Variants in WDPCP observed in about 807,000 individuals in gnomAD.
WDPCP encodes WD repeat-containing and planar cell polarity effector protein fritz homolog.
A neutral mutation model predicts 93.1 loss-of-function variants in WDPCP; 71 were observed. That is an observed-to-expected ratio of 0.76 (90% CI 0.63 to 0.93). The LOEUF (loss-of-function observed/expected upper bound fraction) is 0.93, where lower values mean the gene tolerates loss of function less well. WDPCP is among the 40% of genes least tolerant of loss of function. WDPCP has a pLI of 0.00. For missense variants in WDPCP, 844 were observed against 887.4 expected, an observed-to-expected ratio of 0.95 and a Z score of 0.62; for synonymous variants, 315 against 315.0, an observed-to-expected ratio of 1.00 and a Z score of 0.00.
At chr2:63,810,638 C>A (rs1670850691) in intron 2 of WDPCP, among the ~76,000 whole-genome samples, 1 of 152,150 alleles carries the variant, frequency 6.6e-6, no homozygotes, top group African/African-American at 2.4e-5. Context: ...AGAAACCAGG[C>A]AAGTACCAAA....
chr2:63,219,517 G>A (rs1677637968), intron 14 of WDPCP, among the ~76,000 whole-genome samples: 1 of 152,166 alleles, frequency 6.6e-6, no homozygotes, highest in Non-Finnish European at 1.5e-5. Flanking sequence ...CCATTTAAAA[G>A]AGTAGTCTTG....
intron 3 of WDPCP, among the ~76,000 whole-genome samples, chr2:63,642,227 T>A (rs1002176815): frequency 3.9e-5 from 6 of 152,140 alleles, no homozygotes; most frequent in Admixed American, 2.0e-4. Context: ...TGATGTGGTA[T>A]AATTTGAAGT....
intron 14 of WDPCP, among the ~76,000 whole-genome samples, chr2:63,175,584 A>G (rs908043379): frequency 3.9e-5 from 6 of 152,208 alleles, no homozygotes; most frequent in Non-Finnish European, 8.8e-5. Context: ...CCCATTGTAC[A>G]ATTCCCCATT....
chr2:63,440,503 C>T (rs542325032), intron 6 of WDPCP: 1 of 152,244 alleles, frequency 6.6e-6, no homozygotes, highest in East Asian at 1.9e-4. Flanking sequence ...AGTAGAGCAT[C>T]CAGGCTTTAT....
intron 14 of WDPCP, among the ~76,000 whole-genome samples, chr2:63,256,926 T>C (rs1284129892): frequency 6.6e-6 from 1 of 152,170 alleles, no homozygotes; most frequent in African/African-American, 2.4e-5. Flanking sequence ...TTATAGCATC[T>C]TGAAGTGGGT....
At chr2:63,194,401 T>A (rs971074976) in intron 14 of WDPCP, among the ~76,000 whole-genome samples, 2 of 152,180 alleles carry the variant, frequency 1.3e-5, no homozygotes, top group African/African-American at 4.8e-5. Flanking sequence ...ATACTGTTGG[T>A]CTTAGTTACT....
chr2:63,388,245 T>C (rs2104977689), intron 10 of WDPCP, among the ~76,000 whole-genome samples: 1 of 152,226 alleles, frequency 6.6e-6, no homozygotes, highest in South Asian at 2.1e-4. Context: ...CGACTGGTGA[T>C]ACCCAAGCAA....
chr2:63,548,909 T>C (rs17027970), intron 1 of WDPCP, among the ~76,000 whole-genome samples: 2,501 of 152,198 alleles, frequency 0.016, 78 homozygotes, highest in African/African-American at 0.057. Context: ...GAAAGAAACA[T>C]ACCGGCAGAA....
intron 17 of WDPCP, among the ~76,000 whole-genome samples, chr2:63,133,986 G>A (rs1476370151): frequency 2.0e-5 from 3 of 152,156 alleles, no homozygotes; most frequent in Non-Finnish European, 4.4e-5. Flanking sequence ...TCACTGTATA[G>A]TTGTTTCTTT....
At chr2:63,192,738 C>A (rs536226419) in intron 14 of WDPCP, among the ~76,000 whole-genome samples, 22 of 152,334 alleles carry the variant, frequency 1.4e-4, no homozygotes, top group African/African-American at 5.1e-4. Flanking sequence ...CATTTGTCTT[C>A]TGAAATAAAT....
chr2:63,796,376 T>TA (rs1670617937), intron 2 of WDPCP, among the ~76,000 whole-genome samples: 1 of 152,182 alleles, frequency 6.6e-6, no homozygotes, highest in Admixed American at 6.6e-5. Flanking sequence ...ACTATCCACT[T>TA]AAAAAGGCAT....
intron 1 of WDPCP, chr2:63,519,184 C>T (rs1161099465): frequency 6.6e-6 from 1 of 152,312 alleles, no homozygotes; most frequent in Non-Finnish European, 1.5e-5. Flanking sequence ...CTCTTTTCCA[C>T]TAGCGCCCCG....
At chr2:63,292,355 C>T (rs966819614) in intron 13 of WDPCP, among the ~76,000 whole-genome samples, 6 of 87,668 alleles carry the variant, frequency 6.8e-5, no homozygotes, top group Non-Finnish European at 1.3e-4. Flanking sequence ...GATTTTCTAT[C>T]CTAACAGTTT....
intron 3 of WDPCP, among the ~76,000 whole-genome samples, chr2:63,636,247 G>T (rs769837754): frequency 2.6e-5 from 4 of 152,144 alleles, no homozygotes; most frequent in Non-Finnish European, 4.4e-5. Flanking sequence ...TTCATGGATT[G>T]GAAGAATATT....
At chr2:63,702,819 G>C (rs538355248) in intron 2 of WDPCP, among the ~76,000 whole-genome samples, 9 of 151,438 alleles carry the variant, frequency 5.9e-5, no homozygotes, top group East Asian at 3.9e-4. Context: ...GTGCTGCACC[G>C]ATTAACTCGT....
the WDPCP span, among the ~76,000 whole-genome samples, chr2:63,837,434 A>G: frequency 6.6e-6 from 1 of 152,180 alleles, no homozygotes; most frequent in Non-Finnish European, 1.5e-5. Context: ...AGTATGGGCA[A>G]CAGTCCAGTG....
intron 2 of WDPCP, among the ~76,000 whole-genome samples, chr2:63,762,152 C>T (rs1457181734): frequency 6.6e-6 from 1 of 152,132 alleles, no homozygotes; most frequent in African/African-American, 2.4e-5. Flanking sequence ...AGCCTCAAAC[C>T]AAACCACTAA....
At chr2:63,345,113 A>G (rs1689102921) in intron 12 of WDPCP, among the ~76,000 whole-genome samples, 1 of 152,174 alleles carries the variant, frequency 6.6e-6, no homozygotes, top group South Asian at 2.1e-4. Flanking sequence ...GTGTTTAATG[A>G]TATCACTCCT....
At chr2:63,592,761 G>C (rs1258695327), upstream of WDPCP, among the ~76,000 whole-genome samples, 2 of 152,174 alleles carry the variant, frequency 1.3e-5, no homozygotes, top group Non-Finnish European at 2.9e-5. Flanking sequence ...ACAGGACCCA[G>C]CTATTCCTTC....
Sources: allele counts gnomAD v4.1 joint callset (sites outside exome capture counted in the v4.1 genomes callset), GRCh38; gene constraint gnomAD v4.1.1; transcripts MANE v1.5; gene names NCBI Gene and HGNC (gene_info 2026-07-23, HGNC 2026-07-21).